The following CAP2 variants were observed in gnomAD, a reference collection of about 807,000 sequenced individuals.
The protein encoded by CAP2 is adenylyl cyclase-associated protein 2.
CAP2 carries 24 observed loss-of-function variants against 57.7 expected under a neutral mutation model. That is an observed-to-expected ratio of 0.42 (90% CI 0.30 to 0.58). CAP2 has a LOEUF of 0.58. Ranked by LOEUF, CAP2 falls within the 20% of genes least tolerant of loss-of-function variation. CAP2 has a pLI of 0.22. For synonymous variants in CAP2, 194 were observed against 207.2 expected (o/e 0.94, Z 0.55); for missense variants, 501 against 590.3 (o/e 0.85, Z 1.57).
At chr6:17,451,671 A>C (rs927931609) in intron 3 of CAP2, among the ~76,000 whole-genome samples, 1 of 152,002 alleles carries the variant, frequency 6.6e-6, no homozygotes, top group East Asian at 1.9e-4. Context: ...CACCACGCTC[A>C]GCTAATTTTT....
At chr6:17,464,368 GAAATTGA>G (rs1760806898) in intron 4 of CAP2, among the ~76,000 whole-genome samples, 1 of 152,166 alleles carries the variant, frequency 6.6e-6, no homozygotes, top group African/African-American at 2.4e-5. Flanking sequence ...ACAAACTCCT[GAAATTGA>G]AAATTTTGAG....
intron 4 of CAP2, among the ~76,000 whole-genome samples, chr6:17,473,542 A>G (rs1339878048): frequency 6.6e-6 from 1 of 152,194 alleles, no homozygotes; most frequent in African/African-American, 2.4e-5. Flanking sequence ...AGCCAAACAT[A>G]TTTTGACCTT....
intron 4 of CAP2, among the ~76,000 whole-genome samples, chr6:17,501,536 C>A (rs995273426): frequency 6.6e-6 from 1 of 152,190 alleles, no homozygotes; most frequent in Non-Finnish European, 1.5e-5. Flanking sequence ...ACATGAGAAC[C>A]ATGGGTTCCA....
At chr6:17,478,297 C>CTTTTTTTTTTTTTT (rs58472723) in intron 4 of CAP2, among the ~76,000 whole-genome samples, 1 of 120,418 alleles carries the variant, frequency 8.3e-6, no homozygotes, top group Non-Finnish European at 1.7e-5. Flanking sequence ...ACTACACCTA[C>CTTTTTTTTTTTTTT]TTTTTTTTTT....
In CAP2 at chr6:17,461,992, C is replaced by CAAAAAAAAAAAA. The variant is rs567675285; in HGVS notation, c.223-984_223-973dup. Among the ~76,000 whole-genome samples the CAAAAAAAAAAAA allele has an allele frequency of 7.2e-5, 2 of 27,862 alleles. 1 individual carries two copies. The allele number at this position is 27,862 out of a possible 152,430, so 18.3% of individuals were successfully genotyped here. ...TGGGCAACAGGGCGAGACTCCGTCT[C>CAAAAAAAAAAAA]AAAAAAAAAAAAAAAAAAAAAAAAA... On this transcript the variant is annotated intron_variant, in intron 3 of 12. Coordinates refer to ENST00000229922, the MANE Select transcript of CAP2 (RefSeq NM_006366.3).
chr6:17,432,032 C>T (rs1561781040), intron 3 of CAP2, among the ~76,000 whole-genome samples: 1 of 152,126 alleles, frequency 6.6e-6, no homozygotes, highest in African/African-American at 2.4e-5. Context: ...AGATGAACAT[C>T]AGCCTCCTTC....
At chr6:17,421,486 C>T in intron 1 of CAP2, 69 bp from the exon 2 acceptor site, 1 of 1,535,650 alleles carries the variant, frequency 6.5e-7, no homozygotes, top group South Asian at 1.1e-5. Flanking sequence ...GTTGTTGAGA[C>T]TGATGGTGTT....
chr6:17,543,804 A>G (rs1227438217), intron 11 of CAP2, among the ~76,000 whole-genome samples: 1 of 151,714 alleles, frequency 6.6e-6, no homozygotes, highest in East Asian at 1.9e-4. Flanking sequence ...TTGTGTTTCC[A>G]TTACTGGCAT....
At chr6:17,418,778 G>A (rs1759354613) in intron 1 of CAP2, among the ~76,000 whole-genome samples, 1 of 152,064 alleles carries the variant, frequency 6.6e-6, no homozygotes, top group Non-Finnish European at 1.5e-5. Flanking sequence ...AAGATTTGAG[G>A]GGCTTTCATC....
rs1762849426 is a variant in CAP2, at chr6:17,539,467, G to A, written c.826+9G>A. Reference sequence around the variant, plus strand: ...AGAAGCAATTACAAAAGGTGAGAGAGAAAAGAAGACCTTGAAGCTGCCTCC... The same window carrying A: ...AGAAGCAATTACAAAAGGTGAGAGAAAAAAGAAGACCTTGAAGCTGCCTCC... On this transcript the variant is annotated intron_variant, in intron 8 of 12. Coordinates refer to ENST00000229922, the MANE Select transcript of CAP2 (RefSeq NM_006366.3). The A allele has an allele frequency of 6.2e-7, 1 of 1,609,664 alleles. No individual in the cohort carries two copies. The highest frequency in any genetic ancestry group is 8.5e-7 in the Non-Finnish European group (1 of 1,176,708).
intron 3 of CAP2, among the ~76,000 whole-genome samples, chr6:17,446,928 G>A (rs1243512021): frequency 6.6e-6 from 1 of 152,216 alleles, no homozygotes; most frequent in Admixed American, 6.5e-5. Flanking sequence ...CCAGTGTTTA[G>A]CAAGCACCTT....
chr6:17,507,398 C>A, intron 5 of CAP2, 86 bp downstream of exon 5: 1 of 1,368,702 alleles, frequency 7.3e-7, no homozygotes, highest in Non-Finnish European at 1.0e-6. Flanking sequence ...CCTTCACGCT[C>A]CTTGCACTGA....
chr6:17,421,545 G>A lies in CAP2; in HGVS notation c.-1-10G>A. On this transcript the variant is annotated splice_polypyrimidine_tract_variant and intron_variant, in intron 1 of 12. Transcript: ENST00000229922. ...TCACGCAGCCTCCATTTGTGCCTGTGCTTTTCTAGAATGGCCAACATGCAG... is the reference window on the plus strand; with the variant it reads ...TCACGCAGCCTCCATTTGTGCCTGTACTTTTCTAGAATGGCCAACATGCAG... 6.2e-7 allele frequency: 1 copy of A among 1,614,154 alleles called. No individual in the cohort carries two copies.
rs1762938763 is a variant in CAP2 at position 17,542,840 on chromosome 6, T to C, written c.1006T>C (p.Tyr336His). 3 of 1,609,154 alleles carry C rather than the reference T, an allele frequency of 1.9e-6. No individual in the cohort carries two copies. The highest frequency in any genetic ancestry group is 2.2e-5 in the East Asian group (1 of 44,864). Reference sequence around the variant, plus strand: ...TTTGTATTTGTCTTAATTCTAGGAGTACCAAGAGGACAGGAATGACCTTGT... The same window carrying C: ...TTTGTATTTGTCTTAATTCTAGGAGCACCAAGAGGACAGGAATGACCTTGT... ...ELEGKKWRVEYQEDRNDLVIS... is the reference protein window; with the variant it reads ...ELEGKKWRVEHQEDRNDLVIS... The change falls in exon 10 of 13, where the codon TAC becomes CAC. Residue 336 changes from tyrosine (Y) to histidine (H), a missense_variant. Tyr to His is a moderately conservative substitution (Grantham distance 83). Coordinates refer to ENST00000229922, the MANE Select transcript of CAP2 (RefSeq NM_006366.3).
intron 1 of CAP2, 62 bp from the exon 2 acceptor site, chr6:17,421,493 T>C (rs1036617348): frequency 2.5e-6 from 4 of 1,570,916 alleles, no homozygotes; most frequent in Non-Finnish European, 3.5e-6. Flanking sequence ...AGACTGATGG[T>C]GTTGGTTTAC....
chr6:17,492,638 A>G (rs1418536358), intron 4 of CAP2, among the ~76,000 whole-genome samples: 1 of 152,214 alleles, frequency 6.6e-6, no homozygotes, highest in East Asian at 1.9e-4. Context: ...ATCAGCTGCT[A>G]GCATGTGACA....
chr6:17,556,314 C>A, intron 12 of CAP2, 45 bp from the exon 13 acceptor site: 1 of 1,366,000 alleles, frequency 7.3e-7, no homozygotes, highest in Non-Finnish European at 1.0e-6. Flanking sequence ...GTTTAAATAA[C>A]TTTGTTGTAG....
At chr6:17,470,434 A>C (rs2113608109) in intron 4 of CAP2, among the ~76,000 whole-genome samples, 1 of 152,338 alleles carries the variant, frequency 6.6e-6, no homozygotes, top group Admixed American at 6.5e-5. Flanking sequence ...TTTAGCAAAA[A>C]GTCCCCAAAT....
chr6:17,517,833 A>G (rs953370573), intron 7 of CAP2, among the ~76,000 whole-genome samples: 2 of 152,132 alleles, frequency 1.3e-5, no homozygotes, highest in African/African-American at 2.4e-5. Context: ...CCCGGGAGGC[A>G]GTGGTTGTAG....
Sources: allele counts gnomAD v4.1 joint callset (sites outside exome capture counted in the v4.1 genomes callset), GRCh38; gene constraint gnomAD v4.1.1; transcripts MANE v1.5; gene names NCBI Gene and HGNC (gene_info 2026-07-23, HGNC 2026-07-21).